Variants in ASB2 observed in about 807,000 individuals in gnomAD.
ASB2 encodes the protein ankyrin repeat and SOCS box protein 2.
Under a neutral mutation model 62.4 loss-of-function variants are expected in ASB2, and 58 were observed. That is an observed-to-expected ratio of 0.93 (90% confidence interval 0.75 to 1.16). ASB2 has a LOEUF of 1.16. ASB2 is among the 50% of genes most tolerant of loss of function. The pLI is 0.00. For synonymous variants in ASB2, 386 were observed against 385.3 expected (o/e 1.00, Z -0.02); for missense variants, 928 against 887.9 (o/e 1.05, Z -0.57).
In ASB2 at chr14:93,939,123, C is replaced by A; in HGVS notation, c.1602G>T (p.Glu534Asp). The A allele has an allele frequency of 6.6e-7, 1 of 1,523,512 alleles. No homozygotes were observed. The highest frequency in any genetic ancestry group is 1.2e-5 in the South Asian group (1 of 81,050). 94.4% of individuals were successfully genotyped at this position (1,523,512 alleles called of 1,614,324 possible). A position where few individuals can be genotyped will look rare whatever the true frequency, so the allele number is the denominator to read the frequency against. ...CGCTGCCCACCTGCACCACGCTGGG[C>A]TCCTTGTCGGCCGCGGGCGCGTCGT... is the stretch of plus-strand genomic sequence containing the variant. Reference protein sequence around the residue: ...RFNDAPAADKEPSVVQFCEFV... With the variant: ...RFNDAPAADKDPSVVQFCEFV... The change falls in exon 8 of 10, where the codon GAG (glutamate) becomes GAT (aspartate). Residue 534 changes from glutamate to aspartate, a missense_variant. By Grantham distance (45) the Glu-to-Asp change is conservative. Coordinates refer to ENST00000555019, the MANE Select transcript of ASB2 (RefSeq NM_001202429.2).
chr14:93,953,193 G>T (rs1441054446), intron 5 of ASB2, among the ~76,000 whole-genome samples, 159 bp downstream of exon 5: 1 of 152,226 alleles, frequency 6.6e-6, no homozygotes, highest in African/African-American at 2.4e-5. Flanking sequence ...GAAAATGTTG[G>T]TAAAATACAT....
intron 6 of ASB2, among the ~76,000 whole-genome samples, chr14:93,949,712 A>T (rs1023609953): frequency 1.3e-5 from 2 of 151,842 alleles, no homozygotes; most frequent in African/African-American, 4.8e-5. Context: ...CAAAGTGAAC[A>T]CACCCTGACT....
At chr14:93,954,542 C>T (rs1022023789) in intron 3 of ASB2, 59 bp from the exon 4 acceptor site, 2 of 1,540,078 alleles carry the variant, frequency 1.3e-6, no homozygotes, top group Non-Finnish European at 8.9e-7. Context: ...GCCAGGGGGC[C>T]TCTCTCTCAG....
Position 93,942,849 on chromosome 14 carries a change from GTGATGA to G in ASB2, c.1053-3183_1053-3178del, listed in dbSNP as rs3838359. Among the ~76,000 whole-genome samples, 298 of 151,042 alleles carry G rather than the reference GTGATGA, an allele frequency of 2.0e-3. 1 individual carries two copies. Among genetic ancestry groups the G allele is most frequent in the African/African-American group, 6.6e-3 (269 of 40,710 alleles). On this transcript the variant is annotated intron_variant, in intron 7 of 9. Coordinates refer to ENST00000555019, the MANE Select transcript of ASB2 (RefSeq NM_001202429.2). ...AGAGGGGTAATTAATTGTAATAATA[GTGATGA>G]TGATGATGATGATGATGATGGTGAT...
At chr14:93,954,227 T>C (rs1889086595) in intron 4 of ASB2, 90 bp downstream of exon 4, 4 of 1,024,168 alleles carry the variant, frequency 3.9e-6, no homozygotes, top group Non-Finnish European at 3.0e-6. Context: ...CCCAAGATGA[T>C]TGTGGGCAAA....
intron 1 of ASB2, among the ~76,000 whole-genome samples, chr14:93,969,502 T>C (rs969930534): frequency 6.6e-6 from 1 of 152,168 alleles, no homozygotes; most frequent in African/African-American, 2.4e-5. Flanking sequence ...GGACCTCAGT[T>C]TCCCCTTGTC....
chr14:93,969,936 C>A (rs537093870), intron 1 of ASB2: 1 of 152,222 alleles, frequency 6.6e-6, no homozygotes, highest in African/African-American at 2.4e-5. Context: ...CATTCACAGC[C>A]GGCTCTCTTC....
intron 1 of ASB2, among the ~76,000 whole-genome samples, chr14:93,975,901 A>G (rs543229775): frequency 5.3e-5 from 8 of 152,364 alleles, no homozygotes; most frequent in East Asian, 1.9e-4. Flanking sequence ...TGGATCTCAC[A>G]TAAATAACAT....
In ASB2 at chr14:93,954,355, T is replaced by G; in HGVS notation, c.440A>C (p.Tyr147Ser). 6.2e-7 allele frequency: 1 copy of G among 1,613,790 alleles called. No individual in the cohort carries two copies. Among genetic ancestry groups the G allele is most frequent in the Non-Finnish European group, 8.5e-7 (1 of 1,179,800 alleles). ...EGWLPLHEAA[Y>S]YGQVGCLKVL... ...TTTCAGGCAGCCCACCTGGCCATAG[T>G]ATGCGGCCTCGTGCAGCGGCAGCCA... The change falls in exon 4 of 10, where the codon TAC becomes TCC. Residue 147 changes from tyrosine to serine, a missense_variant. Tyr to Ser is a moderately radical substitution (Grantham distance 144, BLOSUM62 -2). Coordinates refer to ENST00000555019, the MANE Select transcript of ASB2 (RefSeq NM_001202429.2).
At chr14:93,973,383 C>T (rs1351968608) in intron 1 of ASB2, among the ~76,000 whole-genome samples, 1 of 151,926 alleles carries the variant, frequency 6.6e-6, no homozygotes, top group Non-Finnish European at 1.5e-5. Context: ...GGATGCCACT[C>T]CAAAAAGAGA....
chr14:93,958,929 A>G (rs1889316266), intron 2 of ASB2, among the ~76,000 whole-genome samples: 1 of 152,246 alleles, frequency 6.6e-6, no homozygotes, highest in Non-Finnish European at 1.5e-5. Context: ...CTAAACGAGG[A>G]CCTGTCTCTG....
At chr14:93,938,724 C>T (rs1209947783) in intron 8 of ASB2, among the ~76,000 whole-genome samples, 3 of 150,706 alleles carry the variant, frequency 2.0e-5, no homozygotes, top group East Asian at 3.9e-4. Flanking sequence ...CAGAGTTCTC[C>T]GCTCCATCAT....
At chr14:93,958,829 C>T (rs1318805756) in intron 2 of ASB2, among the ~76,000 whole-genome samples, 5 of 152,196 alleles carry the variant, frequency 3.3e-5, no homozygotes, top group Non-Finnish European at 7.3e-5. Context: ...CACCCTCATA[C>T]TTAGTGCATG....
At chr14:93,961,949 G>A (rs1889419955) in intron 2 of ASB2, among the ~76,000 whole-genome samples, 1 of 152,162 alleles carries the variant, frequency 6.6e-6, no homozygotes, top group Non-Finnish European at 1.5e-5. Context: ...TTGGTTCCAT[G>A]CCTGGCCCTG....
chr14:93,967,770 A>G (rs941828365), intron 1 of ASB2, among the ~76,000 whole-genome samples: 3 of 152,050 alleles, frequency 2.0e-5, no homozygotes, highest in Admixed American at 6.5e-5. Context: ...CGACAAAAAG[A>G]GGTTAGTATT....
chr14:93,963,454 T>G (rs1889476883), intron 2 of ASB2, among the ~76,000 whole-genome samples: 1 of 152,136 alleles, frequency 6.6e-6, no homozygotes, highest in Non-Finnish European at 1.5e-5. Context: ...CAAATGCATT[T>G]TGAGATCAAT....
intron 9 of ASB2, among the ~76,000 whole-genome samples, chr14:93,935,069 G>C (rs527564157): frequency 6.4e-4 from 98 of 152,344 alleles, no homozygotes; most frequent in South Asian, 3.1e-3. Flanking sequence ...GCAAGGTTCT[G>C]AGCCTTGCCC....
Position 93,939,184 on chromosome 14 carries a change from G to A in ASB2, c.1541C>T (p.Pro514Leu), listed in dbSNP as rs753832207. ...GGAGGGCTGCGGGGCCGGCGGGTGC[G>A]GGCCGTTGCCGTAGAGGCATGAGAA... Reference protein sequence around the residue: ...PCFSCLYGNGPHPPAPQPSSR... With the variant: ...PCFSCLYGNGLHPPAPQPSSR... Residue 514 changes from proline to leucine, a missense_variant, in exon 8 of 10, where the codon CCG (proline) becomes CTG (leucine). Physicochemically the swap from Pro to Leu is moderately conservative, Grantham distance 98 (BLOSUM62 -3). Coordinates refer to ENST00000555019, the MANE Select transcript of ASB2 (RefSeq NM_001202429.2). The A allele has an allele frequency of 1.1e-5, 17 of 1,589,442 alleles. No individual in the cohort carries two copies. In the Admixed American group the frequency reaches 1.4e-4, roughly 13 times the overall value.
At chr14:93,960,056 A>G (rs1471709827) in intron 2 of ASB2, among the ~76,000 whole-genome samples, 2 of 152,146 alleles carry the variant, frequency 1.3e-5, no homozygotes, top group Admixed American at 6.5e-5. Context: ...TGACTCATTG[A>G]GCACTTGTTA....
Sources: gnomAD v4.1 joint callset for allele counts (sites outside exome capture counted in the v4.1 genomes callset) on GRCh38, gnomAD v4.1.1 for gene constraint, MANE v1.5 for transcripts, NCBI Gene and HGNC (gene_info 2026-07-23, HGNC 2026-07-21) for gene names.